The following STRN variants were observed in gnomAD, a reference collection of about 807,000 sequenced individuals.
STRN encodes striatin.
In STRN, 53 loss-of-function variants were observed where a neutral mutation model predicts 96.3. The observed-to-expected ratio is 0.55, with a 90% confidence interval of 0.44 to 0.69. STRN has a LOEUF of 0.69. Ranked by LOEUF, STRN falls within the 30% of genes least tolerant of loss-of-function variation. The pLI is 0.00. For synonymous variants in STRN, 428 were observed against 355.9 expected (o/e 1.20, Z -2.28); for missense variants, 987 against 963.9 (o/e 1.02, Z -0.32).
intron 1 of STRN, among the ~76,000 whole-genome samples, chr2:36,929,787 T>C (rs920348638): frequency 6.6e-6 from 1 of 152,220 alleles, no homozygotes; most frequent in Non-Finnish European, 1.5e-5. Context: ...ATACACAAAA[T>C]TCTTGGGTTG....
intron 1 of STRN, among the ~76,000 whole-genome samples, chr2:36,964,057 TAATA>T (rs1046309532): frequency 2.0e-5 from 3 of 151,480 alleles, no homozygotes; most frequent in Admixed American, 6.6e-5. Flanking sequence ...TACCTGAAGT[TAATA>T]AACATTTGCC....
chr2:36,874,484 C>T (rs887046208), intron 10 of STRN, among the ~76,000 whole-genome samples: 2 of 151,554 alleles, frequency 1.3e-5, no homozygotes, highest in South Asian at 2.1e-4. Flanking sequence ...GAGTGGTACT[C>T]GAAGAGAAAT....
intron 1 of STRN, among the ~76,000 whole-genome samples, chr2:36,962,770 G>A (rs1184490898): frequency 2.0e-5 from 3 of 152,152 alleles, no homozygotes; most frequent in Non-Finnish European, 2.9e-5. Flanking sequence ...GCCTCCCAAA[G>A]TGCTGGGGAT....
intron 6 of STRN, among the ~76,000 whole-genome samples, chr2:36,899,114 T>C (rs374682831): frequency 1.2e-4 from 18 of 152,214 alleles, no homozygotes; most frequent in South Asian, 2.1e-4. Context: ...TTCTGAAAGT[T>C]TGCCTACCAA....
At position 36,870,888 on chromosome 2, in the gene STRN, T is replaced by C. The variant is rs1226817318; in HGVS notation, c.1324-1159A>G. 3.3e-5 allele frequency among the ~76,000 whole-genome samples: 5 copies of C among 152,200 alleles called. No homozygotes were observed. The South Asian group carries it at 6.2e-4, about 19-fold the overall frequency. ...CTTCTAGTGGGACAAGATGTGGAGGTAGAAGAGAGTGATACTGATGATCCT... is the reference window on the plus strand; with the variant it reads ...CTTCTAGTGGGACAAGATGTGGAGGCAGAAGAGAGTGATACTGATGATCCT... On this transcript the variant is annotated intron_variant, in intron 10 of 17. Transcript: ENST00000263918.
chr2:36,909,196 A>T (rs1486875593), intron 3 of STRN, among the ~76,000 whole-genome samples: 3 of 151,864 alleles, frequency 2.0e-5, no homozygotes, highest in African/African-American at 7.3e-5. Flanking sequence ...AAAAAAAGAA[A>T]CCCAAAGTCA....
At chr2:36,900,253 C>T (rs188435461) in intron 5 of STRN, among the ~76,000 whole-genome samples, 1 of 152,202 alleles carries the variant, frequency 6.6e-6, no homozygotes, top group East Asian at 1.9e-4. Flanking sequence ...TTATTTTGAT[C>T]CTTACACCAA....
At chr2:36,919,316 G>C (rs1479750332) in intron 2 of STRN, among the ~76,000 whole-genome samples, 1 of 152,106 alleles carries the variant, frequency 6.6e-6, no homozygotes, top group Non-Finnish European at 1.5e-5. Context: ...ATGCAGATAA[G>C]GGATTATCTA....
At chr2:36,920,044 T>C (rs1229774676) in intron 2 of STRN, among the ~76,000 whole-genome samples, 1 of 151,516 alleles carries the variant, frequency 6.6e-6, no homozygotes, top group East Asian at 1.9e-4. Flanking sequence ...AAGAAAATCA[T>C]GTAAAATCAT....
rs753104696 is a variant in STRN at position 36,899,671 on chromosome 2, A to G, written c.660-13T>C. 1 of 1,588,170 alleles carries G rather than the reference A, an allele frequency of 6.3e-7. No homozygotes were observed. Among genetic ancestry groups the G allele is most frequent in the Admixed American group, 1.8e-5 (1 of 55,076 alleles). On this transcript the variant is annotated splice_polypyrimidine_tract_variant and intron_variant, in intron 5 of 17. Transcript: ENST00000263918. The stretch of plus-strand genomic sequence containing the variant: ...TAACTCAGATTTTCTGGTGTAAAAC[A>G]TGTATATCCTGCTTAGTTAATCTTT...
intron 1 of STRN, among the ~76,000 whole-genome samples, chr2:36,929,765 T>A (rs1271499853): frequency 6.6e-6 from 1 of 152,132 alleles, no homozygotes; most frequent in Non-Finnish European, 1.5e-5. Flanking sequence ...AGAAGTAAAT[T>A]CAAAATGAAA....
At chr2:36,939,779 A>G (rs1455123859) in intron 1 of STRN, among the ~76,000 whole-genome samples, 1 of 152,224 alleles carries the variant, frequency 6.6e-6, no homozygotes, top group Non-Finnish European at 1.5e-5. Context: ...GAACAGAATA[A>G]AAGTAAATAA....
chr2:36,965,940 G>C (rs146907807), intron 1 of STRN, among the ~76,000 whole-genome samples: 1 of 152,164 alleles, frequency 6.6e-6, no homozygotes, highest in Non-Finnish European at 1.5e-5. Context: ...CTGAGATGCA[G>C]GATGGCCAGA....
At chr2:36,966,163 G>T (rs1283884903) in intron 1 of STRN, 67 bp downstream of exon 1, 2 of 1,381,418 alleles carry the variant, frequency 1.4e-6, no homozygotes, top group Non-Finnish European at 1.9e-6. Context: ...GGGGGAGAAG[G>T]GTCCGGGGCG....
In STRN at chr2:36,877,952, A is replaced by G. The variant is rs1668959083; in HGVS notation, c.1262T>C (p.Leu421Pro). ...MGADEALESE[L>P]GLGELAGLTV... ...AAGGCCTGCTAGTTCTCCAAGTCCC[A>G]GTTCACTTTCAAGGGCTTCATCTGC... is the stretch of plus-strand genomic sequence containing the variant. The change falls in exon 10 of 18, where the codon CTG becomes CCG. Residue 421 changes from leucine (L) to proline (P), a missense_variant. Transcript: ENST00000263918. 1 of 1,614,216 alleles carries G rather than the reference A, an allele frequency of 6.2e-7. No homozygotes were observed. Among genetic ancestry groups the G allele is most frequent in the Non-Finnish European group, 8.5e-7 (1 of 1,180,038 alleles).
intron 15 of STRN, among the ~76,000 whole-genome samples, chr2:36,854,939 C>T (rs1668307180): frequency 1.3e-5 from 2 of 152,072 alleles, no homozygotes; most frequent in African/African-American, 4.8e-5. Flanking sequence ...TGGCTTTCTT[C>T]AAATAGAATT....
intron 1 of STRN, among the ~76,000 whole-genome samples, chr2:36,928,269 T>C (rs929273172): frequency 1.3e-5 from 2 of 151,724 alleles, no homozygotes; most frequent in Non-Finnish European, 2.9e-5. Context: ...GCTCTTTGAA[T>C]TGAATTGAGG....
chr2:36,892,016 C>T (rs539244251), intron 7 of STRN, among the ~76,000 whole-genome samples: 24 of 152,036 alleles, frequency 1.6e-4, no homozygotes, highest in African/African-American at 5.3e-4. Flanking sequence ...TAACTAAAAA[C>T]GTAAAAAAAG....
rs1572648469 is a variant in STRN, at chr2:36,886,654, A to C, written c.1042+62T>G. 2.2e-6 allele frequency: 3 copies of C among 1,352,224 alleles called. No homozygotes were observed. The South Asian group carries it at 4.4e-5, about 20-fold the overall frequency. 83.8% of individuals were successfully genotyped at this position (1,352,224 alleles called of 1,614,324 possible). A position where few individuals can be genotyped will look rare whatever the true frequency, so the allele number is the denominator to read the frequency against. Reference sequence around the variant, plus strand: ...GTAGATTTAGGAAAACATTGAAAAAAAAAACTGGGGGATGTAAAGAGGCAA... The same window carrying C: ...GTAGATTTAGGAAAACATTGAAAAACAAAACTGGGGGATGTAAAGAGGCAA... On this transcript the variant is annotated intron_variant, in intron 8 of 17. Transcript: ENST00000263918.
Sources: gnomAD v4.1 joint callset for allele counts (sites outside exome capture counted in the v4.1 genomes callset) on GRCh38, gnomAD v4.1.1 for gene constraint, MANE v1.5 for transcripts, NCBI Gene and HGNC (gene_info 2026-07-23, HGNC 2026-07-21) for gene names.